Variants in RASSF3 observed in about 807,000 individuals in gnomAD.
RASSF3 encodes the protein ras association domain-containing protein 3.
A neutral mutation model predicts 19.9 loss-of-function variants in RASSF3; 19 were observed. That is an observed-to-expected ratio of 0.96 (90% CI 0.67 to 1.40). RASSF3 has a LOEUF of 1.40. Ranked by LOEUF, RASSF3 falls within the 40% of genes most tolerant of loss-of-function variation. The pLI, the probability that RASSF3 is intolerant of heterozygous loss-of-function variation, is 0.00. For synonymous variants in RASSF3, 110 were observed against 104.2 expected, an observed-to-expected ratio of 1.06 and a Z score of -0.34; for missense variants, 306 against 289.8, an observed-to-expected ratio of 1.06 and a Z score of -0.41.
At chr12:64,635,635 G>C (rs1000154528) in intron 1 of RASSF3, among the ~76,000 whole-genome samples, 3 of 152,214 alleles carry the variant, frequency 2.0e-5, no homozygotes, top group African/African-American at 7.2e-5. Context: ...ATAGTAGCTG[G>C]TAATTAGATT....
At chr12:64,622,216 A>ATTTTTT (rs35037944) in intron 1 of RASSF3, among the ~76,000 whole-genome samples, 3 of 134,510 alleles carry the variant, frequency 2.2e-5, no homozygotes, top group Non-Finnish European at 1.6e-5. Context: ...ATGTCCAGCT[A>ATTTTTT]TTTTTTTTTT....
At position 64,682,065 on chromosome 12, in the gene RASSF3, C is replaced by A. The variant is rs188429831; in HGVS notation, c.112-2722C>A. ...GGAGCTTTTGAAAGTTTATTTTAAT[C>A]CACAGCTTTTCCCCCACCAAACACT... On this transcript the variant is annotated intron_variant, in intron 1 of 4. Transcript: ENST00000542104. 1.1e-4 allele frequency among the ~76,000 whole-genome samples: 16 copies of A among 152,264 alleles called. No homozygotes were observed. The East Asian group carries it at 3.1e-3, about 29-fold the overall frequency.
intron 1 of RASSF3, among the ~76,000 whole-genome samples, chr12:64,517,572 C>T (rs1451217075): frequency 6.6e-6 from 1 of 151,662 alleles, no homozygotes; most frequent in African/African-American, 2.4e-5. Context: ...TATGATGCCA[C>T]TTCCACACAG....
intron 1 of RASSF3, among the ~76,000 whole-genome samples, chr12:64,619,630 T>A (rs1323339917): frequency 6.6e-6 from 1 of 152,100 alleles, no homozygotes; most frequent in Non-Finnish European, 1.5e-5. Flanking sequence ...GAAGGATGGA[T>A]TTAGAAGATC....
chr12:64,577,015 T>C (rs775683023), intron 2 of RASSF3, among the ~76,000 whole-genome samples: 4 of 152,076 alleles, frequency 2.6e-5, no homozygotes, highest in Non-Finnish European at 5.9e-5. Flanking sequence ...AAATAAAAAA[T>C]AGTTGTCTAG....
At chr12:64,626,488 C>CAAA (rs36122537) in intron 1 of RASSF3, among the ~76,000 whole-genome samples, 5 of 76,824 alleles carry the variant, frequency 6.5e-5, no homozygotes, top group African/African-American at 1.8e-4. Flanking sequence ...ACTCTTGTCT[C>CAAA]AAAAAAAAAA....
chr12:64,568,679 C>G (rs56264181), intron 2 of RASSF3, among the ~76,000 whole-genome samples: 57,862 of 151,706 alleles, frequency 0.38, 11,666 homozygotes, highest in Non-Finnish European at 0.45. Flanking sequence ...CCCACCAACC[C>G]CAGCCCTAAG....
intron 1 of RASSF3, among the ~76,000 whole-genome samples, chr12:64,516,489 G>C (rs1412240474): frequency 3.3e-5 from 5 of 150,304 alleles, no homozygotes; most frequent in South Asian, 4.2e-4. Flanking sequence ...CGTAGTGGCG[G>C]GCGCCTGTAG....
chr12:64,676,360 G>A (rs989066075), intron 1 of RASSF3, among the ~76,000 whole-genome samples: 4 of 151,432 alleles, frequency 2.6e-5, no homozygotes, highest in Non-Finnish European at 2.9e-5. Context: ...GTAGAAACAG[G>A]GTTTCTCCAT....
At chr12:64,602,445 G>C (rs932821305) in intron 2 of RASSF3, among the ~76,000 whole-genome samples, 2 of 151,766 alleles carry the variant, frequency 1.3e-5, no homozygotes, top group Non-Finnish European at 2.9e-5. Flanking sequence ...GCTGGGCATG[G>C]TGGTGCACAC....
At chr12:64,598,908 G>A (rs1378516993) in intron 2 of RASSF3, among the ~76,000 whole-genome samples, 1 of 117,556 alleles carries the variant, frequency 8.5e-6, no homozygotes, top group Non-Finnish European at 1.6e-5. Flanking sequence ...CCCACATCAG[G>A]CCCTGGTGTG....
At chr12:64,548,052 C>T (rs1869098989) in intron 2 of RASSF3, among the ~76,000 whole-genome samples, 1 of 152,128 alleles carries the variant, frequency 6.6e-6, no homozygotes, top group Non-Finnish European at 1.5e-5. Context: ...TTCACCCTTC[C>T]TTACAATGTG....
At chr12:64,543,671 C>T (rs1868996427), downstream of RASSF3, among the ~76,000 whole-genome samples, 1 of 151,252 alleles carries the variant, frequency 6.6e-6, no homozygotes, top group African/African-American at 2.4e-5. Flanking sequence ...GTGGCTCCGC[C>T]TGCGCCCCTA....
At chr12:64,518,221 C>A (rs182191078) in intron 1 of RASSF3, among the ~76,000 whole-genome samples, 11 of 152,124 alleles carry the variant, frequency 7.2e-5, no homozygotes, top group African/African-American at 2.7e-4. Context: ...GTTGGCAGAA[C>A]GCTCACTGCT....
chr12:64,574,939 A>G (rs1869572489), intron 2 of RASSF3, among the ~76,000 whole-genome samples: 1 of 152,248 alleles, frequency 6.6e-6, no homozygotes, highest in Non-Finnish European at 1.5e-5. Context: ...ATCTACAAAA[A>G]TACCTCAGCA....
intron 2 of RASSF3, among the ~76,000 whole-genome samples, chr12:64,572,986 C>T (rs1030871185): frequency 5.3e-5 from 8 of 152,198 alleles, no homozygotes; most frequent in East Asian, 1.9e-4. Flanking sequence ...CCTCTTGCCT[C>T]GGCCTCCCAA....
At chr12:64,568,619 G>A (rs1592403473) in intron 2 of RASSF3, among the ~76,000 whole-genome samples, 1 of 152,058 alleles carries the variant, frequency 6.6e-6, no homozygotes, top group East Asian at 1.9e-4. Context: ...AGTCTGTTTG[G>A]TGGGGTTCGG....
intron 1 of RASSF3, among the ~76,000 whole-genome samples, chr12:64,510,016 G>A (rs1565828676): frequency 6.6e-6 from 1 of 151,546 alleles, no homozygotes; most frequent in Non-Finnish European, 1.5e-5. Flanking sequence ...GAAACTGGGA[G>A]GCAGAGGTTG....
chr12:64,697,257 T>A lies in RASSF3; in HGVS notation c.*2345T>A, dbSNP rs1232958148. On this transcript the variant is annotated 3_prime_UTR_variant, in exon 5 of 5. Coordinates refer to ENST00000542104, the MANE Select transcript of RASSF3 (RefSeq NM_178169.4). ...AACACTGGTTACTGCAGCAGCATTT[T>A]TAATGTGTAAGTGAAGAAAAAAGGC... 1 of 152,136 alleles carries A rather than the reference T, an allele frequency of 6.6e-6. No homozygotes were observed. The highest frequency in any genetic ancestry group is 1.5e-5 in the Non-Finnish European group (1 of 68,022). The allele number at this position is 152,136 out of a possible 1,614,324, so 9.4% of individuals were successfully genotyped here.
Sources: gnomAD v4.1 joint callset for allele counts (sites outside exome capture counted in the v4.1 genomes callset) on GRCh38, gnomAD v4.1.1 for gene constraint, MANE v1.5 for transcripts, NCBI Gene and HGNC (gene_info 2026-07-23, HGNC 2026-07-21) for gene names.